Variants in NWD2 observed in about 807,000 individuals in gnomAD.
The protein encoded by NWD2 is NACHT and WD repeat domain containing 2.
A neutral mutation model predicts 132.7 loss-of-function variants in NWD2; 37 were observed. The observed-to-expected ratio is 0.28, with a 90% CI of 0.21 to 0.37. The LOEUF is 0.37. NWD2 is among the 10% of genes least tolerant of loss of function. The pLI is 1.00. For missense variants in NWD2, 1,592 were observed against 2,122.4 expected (o/e 0.75, Z 4.91); for synonymous variants, 705 against 803.0 (o/e 0.88, Z 2.06).
At chr4:37,356,670 G>T (rs774471238) in intron 3 of NWD2, among the ~76,000 whole-genome samples, 188 bp downstream of exon 3, 1 of 152,204 alleles carries the variant, frequency 6.6e-6, no homozygotes, top group Admixed American at 6.5e-5. Context: ...TCCATAAGAA[G>T]TGCTGCCAAT....
chr4:37,293,185 A>G (rs10010413), intron 1 of NWD2, among the ~76,000 whole-genome samples: 3,682 of 152,292 alleles, frequency 0.024, 153 homozygotes, highest in African/African-American at 0.084. Flanking sequence ...CATGGAATCA[A>G]TTAGTCAAAA....
chr4:37,307,414 C>T (rs192522028), intron 1 of NWD2, among the ~76,000 whole-genome samples: 2,097 of 151,516 alleles, frequency 0.014, 24 homozygotes, highest in Non-Finnish European at 0.021. Flanking sequence ...TCTTGGCTGC[C>T]AGGGTTTTTT....
chr4:37,314,269 T>G (rs964282805), intron 1 of NWD2, among the ~76,000 whole-genome samples: 4 of 152,194 alleles, frequency 2.6e-5, no homozygotes, highest in Non-Finnish European at 4.4e-5. Context: ...GTTTTTTTCT[T>G]TTGATGTCTG....
rs1400234922 is a variant in NWD2 at position 37,419,510 on chromosome 4, G to C, written c.358-11062G>C. Among the ~76,000 whole-genome samples, 4 of 152,218 alleles carry C rather than the reference G, an allele frequency of 2.6e-5. No homozygotes were observed. In the East Asian group the frequency reaches 7.7e-4, roughly 29 times the overall value. On this transcript the variant is annotated intron_variant, in intron 3 of 6. Coordinates refer to ENST00000309447, the MANE Select transcript of NWD2 (RefSeq NM_001144990.2). ...TTTTGCAATCTATCCATCTGACACAGGGCTAATATCCAGAATCTACAAGGA... is the reference window on the plus strand; with the variant it reads ...TTTTGCAATCTATCCATCTGACACACGGCTAATATCCAGAATCTACAAGGA...
rs182510690 is a variant in NWD2, at chr4:37,276,358, C to A, written c.151+31140C>A. Among the ~76,000 whole-genome samples, 17 of 152,216 alleles carry A rather than the reference C, an allele frequency of 1.1e-4. No homozygotes were observed. The East Asian group carries it at 3.1e-3, about 28-fold the overall frequency. On this transcript the variant is annotated intron_variant, in intron 1 of 6. Coordinates refer to ENST00000309447, the MANE Select transcript of NWD2 (RefSeq NM_001144990.2). Reference sequence around the variant, plus strand: ...GTGAAAAAATGCTCATCATCACTGGCCATCAGAGAAATGCAAATGAAAACC... The same window carrying A: ...GTGAAAAAATGCTCATCATCACTGGACATCAGAGAAATGCAAATGAAAACC...
chr4:37,302,266 T>C (rs1416272818), intron 1 of NWD2, among the ~76,000 whole-genome samples: 1 of 152,036 alleles, frequency 6.6e-6, no homozygotes, highest in African/African-American at 2.4e-5. Flanking sequence ...CCAGGCTCAC[T>C]CATGTTGCCA....
chr4:37,358,424 G>T (rs532801743), intron 3 of NWD2, among the ~76,000 whole-genome samples: 1 of 150,552 alleles, frequency 6.6e-6, no homozygotes, highest in Non-Finnish European at 1.5e-5. Context: ...AGGCCTGAAA[G>T]TTGTGTTAAA....
At chr4:37,306,213 GTCTTC>G (rs1718705442) in intron 1 of NWD2, among the ~76,000 whole-genome samples, 1 of 151,994 alleles carries the variant, frequency 6.6e-6, no homozygotes. Context: ...CTGATTTTGA[GTCTTC>G]TCTTTTTATT....
chr4:37,373,979 G>A (rs1222701145), intron 3 of NWD2, among the ~76,000 whole-genome samples: 1 of 152,204 alleles, frequency 6.6e-6, no homozygotes, highest in Non-Finnish European at 1.5e-5. Context: ...ATAGAGAATA[G>A]ACCAATATAC....
intron 3 of NWD2, among the ~76,000 whole-genome samples, chr4:37,364,695 C>CAA (rs757258565): frequency 5.0e-4 from 35 of 69,938 alleles, no homozygotes; most frequent in African/African-American, 1.6e-3. Context: ...TCCACTTACA[C>CAA]ACACACACAC....
At chr4:37,259,119 A>G (rs527539189) in intron 1 of NWD2, among the ~76,000 whole-genome samples, 22 of 152,344 alleles carry the variant, frequency 1.4e-4, no homozygotes, top group African/African-American at 4.8e-4. Flanking sequence ...TTAGAATCCT[A>G]GCACCATAAT....
At chr4:37,422,893 A>T (rs1711865410) in intron 3 of NWD2, among the ~76,000 whole-genome samples, 1 of 152,164 alleles carries the variant, frequency 6.6e-6, no homozygotes, top group African/African-American at 2.4e-5. Flanking sequence ...GTACCCATGA[A>T]TGTATCCCTT....
intron 3 of NWD2, among the ~76,000 whole-genome samples, chr4:37,392,155 C>T (rs1234096976): frequency 6.6e-6 from 1 of 152,032 alleles, no homozygotes; most frequent in South Asian, 2.1e-4. Context: ...AAGCCGAGAT[C>T]GCACCACTGC....
intron 3 of NWD2, among the ~76,000 whole-genome samples, chr4:37,359,900 G>A (rs1719945498): frequency 6.6e-6 from 1 of 152,208 alleles, no homozygotes; most frequent in Non-Finnish European, 1.5e-5. Flanking sequence ...GAGTGAGGGA[G>A]CCTGGACATG....
At chr4:37,426,350 C>T (rs945169529) in intron 3 of NWD2, among the ~76,000 whole-genome samples, 9 of 152,142 alleles carry the variant, frequency 5.9e-5, no homozygotes, top group Non-Finnish European at 1.0e-4. Flanking sequence ...CAATAAGTAA[C>T]TTTAAGCCTG....
intron 1 of NWD2, among the ~76,000 whole-genome samples, chr4:37,300,436 G>A (rs975493051): frequency 2.6e-5 from 4 of 152,086 alleles, no homozygotes; most frequent in African/African-American, 9.7e-5. Context: ...GCCTCATATA[G>A]ATCATACGGG....
chr4:37,398,061 A>T (rs570354138), intron 3 of NWD2, among the ~76,000 whole-genome samples: 1 of 152,344 alleles, frequency 6.6e-6, no homozygotes, highest in Admixed American at 6.5e-5. Flanking sequence ...TTTGAATTAA[A>T]ATAGATAACA....
rs1712575888 is a variant in NWD2 at position 37,444,461 on chromosome 4, G to A, written c.2473G>A (p.Asp825Asn). 2.6e-6 allele frequency: 4 copies of A among 1,551,788 alleles called. No individual in the cohort carries two copies. Among genetic ancestry groups the A allele is most frequent in the Non-Finnish European group, 3.5e-6 (4 of 1,147,056 alleles). ...TTTCCAGTGTAATCCCCTGGAACCTGACATCTTTTTCGTTAATCATCGGAA... is the reference window on the plus strand; with the variant it reads ...TTTCCAGTGTAATCCCCTGGAACCTAACATCTTTTTCGTTAATCATCGGAA... ...WVFQCNPLEP[D>N]IFFVNHRKMS... Residue 825 changes from aspartate (D) to asparagine (N), a missense_variant, in exon 7 of 7, where the codon GAC (aspartate) becomes AAC (asparagine). Asp to Asn is a conservative substitution (Grantham distance 23). This residue lies in a region of NWD2 where 1,071 missense variants were observed against 1,398.0 expected (regional missense o/e 0.77). Coordinates refer to ENST00000309447, the MANE Select transcript of NWD2 (RefSeq NM_001144990.2). The surrounding 1 kb of genome is among the most constrained non-coding windows in gnomAD (Gnocchi z 4.8).
intron 3 of NWD2, among the ~76,000 whole-genome samples, chr4:37,390,321 T>C (rs935094457): frequency 3.3e-5 from 5 of 152,144 alleles, no homozygotes; most frequent in Non-Finnish European, 7.3e-5. Flanking sequence ...ATATAAAATG[T>C]TTTATGAAAT....
Sources: allele counts gnomAD v4.1 joint callset (sites outside exome capture counted in the v4.1 genomes callset), GRCh38; gene constraint gnomAD v4.1.1; regional missense constraint gnomAD v4.1.1; non-coding constraint Gnocchi (gnomAD v3.1); transcripts MANE v1.5; gene names NCBI Gene and HGNC (gene_info 2026-07-23, HGNC 2026-07-21).